PCLO: variants seen among roughly 807,000 people sequenced by gnomAD.
PCLO encodes the protein piccolo presynaptic cytomatrix protein, also known as protein piccolo.
Under a neutral mutation model 427.5 loss-of-function variants are expected in PCLO, and 82 were observed. The ratio of observed to expected loss-of-function variants is 0.19; its 90% CI spans 0.16 to 0.23. The LOEUF (loss-of-function observed/expected upper bound fraction) is 0.23, where lower values mean the gene tolerates loss of function less well. PCLO is among the 10% of genes least tolerant of loss of function. PCLO has a pLI of 1.00. For missense variants in PCLO, 6,239 were observed against 6,115.9 expected, an observed-to-expected ratio of 1.02 and a Z score of -0.67; for synonymous variants, 2,357 against 2,155.4, an observed-to-expected ratio of 1.09 and a Z score of -2.59.
chr7:82,758,832 G>A (rs1035588176), intron 24 of PCLO, 117 bp from the exon 25 acceptor site: 9 of 601,774 alleles, frequency 1.5e-5, no homozygotes, highest in Non-Finnish European at 2.6e-5. Flanking sequence ...AGAGGGTGAC[G>A]CTGAGTAGAA....
chr7:82,915,103 G>A lies in PCLO; in HGVS notation c.12883C>T (p.Pro4295Ser), dbSNP rs548351524. The A allele has an allele frequency of 6.3e-7, 1 of 1,595,750 alleles. No individual in the cohort carries two copies. The highest frequency in any genetic ancestry group is 1.1e-5 in the South Asian group (1 of 89,574). ...SGSRSRPSSR[P>S]SSVYGLDLSI... is the part of the protein sequence containing the mutation. The stretch of plus-strand genomic sequence containing the variant: ...AAATCAAGCCCATAGACAGAGGAAG[G>A]TCTGGAGGAAGGTCTGGACCTGCTG... The change falls in exon 7 of 25, where the codon CCT becomes TCT. Residue 4295 changes from proline to serine, a missense_variant. Transcript: ENST00000333891.
At chr7:83,041,086 C>G (rs1788962357) in intron 3 of PCLO, among the ~76,000 whole-genome samples, 1 of 152,110 alleles carries the variant, frequency 6.6e-6, no homozygotes, top group South Asian at 2.1e-4. Context: ...TGGAGTTTAT[C>G]ATTGTTTCTT....
In PCLO at chr7:82,879,341, C is replaced by T. The variant is rs748451395; in HGVS notation, c.13650G>A (p.Met4550Ile). The T allele has an allele frequency of 9.3e-6, 15 of 1,607,468 alleles. No individual in the cohort carries two copies. The highest frequency in any genetic ancestry group is 1.2e-5 in the Non-Finnish European group (14 of 1,177,308). The change falls in exon 10 of 25, where the codon ATG becomes ATA. Residue 4550 changes from methionine (M) to isoleucine (I), a missense_variant. This residue lies in a region of PCLO where 877 missense variants were observed against 925.5 expected (regional missense o/e 0.95). Coordinates refer to ENST00000333891, the MANE Select transcript of PCLO (RefSeq NM_033026.6). ...TGTAAAATTCCTTATTCTTACCTTCCATAAGCTTCCCCGTCTGTTCCGCAC... is the reference window on the plus strand; with the variant it reads ...TGTAAAATTCCTTATTCTTACCTTCTATAAGCTTCCCCGTCTGTTCCGCAC... ...GGSAEQTGKL[M>I]EGMQVLEWNG...
chr7:82,946,138 A>C (rs984965978), intron 6 of PCLO, among the ~76,000 whole-genome samples: 6 of 152,230 alleles, frequency 3.9e-5, no homozygotes, highest in Admixed American at 1.3e-4. Flanking sequence ...TACTTTAAAT[A>C]AGGGACATAT....
intron 3 of PCLO, among the ~76,000 whole-genome samples, chr7:83,093,585 C>T (rs1413025020): frequency 1.4e-5 from 2 of 146,640 alleles, no homozygotes; most frequent in African/African-American, 5.0e-5. Context: ...CTCCGCCTCC[C>T]GGGTTCATGC....
chr7:83,162,622 C>A lies in PCLO; in HGVS notation c.-30G>T. 2 of 1,506,872 alleles carry A rather than the reference C, an allele frequency of 1.3e-6. No homozygotes were observed. Among genetic ancestry groups the A allele is most frequent in the South Asian group, 2.5e-5 (2 of 78,542 alleles). 93.3% of individuals were successfully genotyped at this position (1,506,872 alleles called of 1,614,324 possible). ...CAGGGAGACTCGGGGCCGCCGCGCT[C>A]CCTCCTCGCGCCGCGTCCCAGTCGA... On this transcript the variant is annotated 5_prime_UTR_variant, in exon 1 of 25. Transcript: ENST00000333891.
chr7:83,023,262 A>G (rs1013852749), intron 3 of PCLO, among the ~76,000 whole-genome samples: 2 of 152,330 alleles, frequency 1.3e-5, no homozygotes, highest in African/African-American at 4.8e-5. Flanking sequence ...GTAGCTGTAT[A>G]TAAACAATAC....
At chr7:82,939,247 T>C (rs1795024828) in intron 6 of PCLO, among the ~76,000 whole-genome samples, 1 of 152,096 alleles carries the variant, frequency 6.6e-6, no homozygotes, top group African/African-American at 2.4e-5. Flanking sequence ...ATTAGAATTA[T>C]GATTGCTATA....
At position 82,956,140 on chromosome 7, in the gene PCLO, C is replaced by A. The variant is rs936518331; in HGVS notation, c.4813G>T (p.Ala1605Ser). Residue 1605 changes from alanine (A) to serine (S), a missense_variant, in exon 5 of 25, where the codon GCA becomes TCA. Coordinates refer to ENST00000333891, the MANE Select transcript of PCLO (RefSeq NM_033026.6). ...EETKGKGKIT[A>S]GKHRRLTRKS... ...CGAGTCAGTCGTCTGTGTTTCCCTG[C>A]TGTTATTTTGCCTTTTCCCTTTGTT... 2 of 1,608,626 alleles carry A rather than the reference C, an allele frequency of 1.2e-6. No homozygotes were observed. Among genetic ancestry groups the A allele is most frequent in the African/African-American group, 1.3e-5 (1 of 74,914 alleles).
intron 6 of PCLO, among the ~76,000 whole-genome samples, chr7:82,943,867 G>C (rs910707055): frequency 7.9e-5 from 12 of 151,944 alleles, no homozygotes; most frequent in African/African-American, 2.7e-4. Flanking sequence ...AGTAAAAATT[G>C]TAACACTGGG....
In PCLO at chr7:82,908,889, T is replaced by C; in HGVS notation, c.13425A>G (p.Gln4475=). Residue 4475 remains glutamine (Q), a synonymous_variant, in exon 8 of 25, where the codon CAA becomes CAG. Coordinates refer to ENST00000333891, the MANE Select transcript of PCLO (RefSeq NM_033026.6). The stretch of plus-strand genomic sequence containing the variant: ...ATATAGCACTTACTTGCTCTTGATG[T>C]TGACTGAGTGGTCTAGAGTGGACCA... ...ERLVHSRPLS[Q]HQEQIIQMNG... The C allele has an allele frequency of 6.2e-7, 1 of 1,612,260 alleles. No homozygotes were observed. Among genetic ancestry groups the C allele is most frequent in the Non-Finnish European group, 8.5e-7 (1 of 1,178,894 alleles).
At chr7:83,132,070 T>C (rs1217450567) in intron 3 of PCLO, among the ~76,000 whole-genome samples, 2 of 152,086 alleles carry the variant, frequency 1.3e-5, no homozygotes, top group Admixed American at 6.5e-5. Context: ...GGAGTAATGA[T>C]AGAGACTACC....
At chr7:82,827,591 T>A (rs1247464203) in intron 17 of PCLO, among the ~76,000 whole-genome samples, 1 of 152,104 alleles carries the variant, frequency 6.6e-6, no homozygotes, top group East Asian at 1.9e-4. Context: ...CTTAGTCTAT[T>A]AAAAATTTTA....
At chr7:83,076,212 T>G (rs1449852380) in intron 3 of PCLO, among the ~76,000 whole-genome samples, 1 of 152,072 alleles carries the variant, frequency 6.6e-6, no homozygotes, top group African/African-American at 2.4e-5. Context: ...TCATAATTTA[T>G]TCTTTCTATG....
chr7:83,065,735 A>C (rs1050394031), intron 3 of PCLO, among the ~76,000 whole-genome samples: 1 of 152,080 alleles, frequency 6.6e-6, no homozygotes, highest in Non-Finnish European at 1.5e-5. Context: ...GAAAAATAAA[A>C]AACAGGAAAG....
intron 22 of PCLO, among the ~76,000 whole-genome samples, chr7:82,799,739 A>G (rs1259046357): frequency 2.0e-5 from 3 of 152,112 alleles, no homozygotes; most frequent in African/African-American, 7.2e-5. Context: ...GTCTCAGGAT[A>G]TATTTCTGGC....
rs137940407 is a variant in PCLO at position 82,776,845 on chromosome 7, C to CAG, written c.15008-15353_15008-15352insCT. On this transcript the variant is annotated intron_variant, in intron 22 of 24. Transcript: ENST00000333891. ...CTCTCTCTCTATATATACACACACA[C>CAG]ATATACACATATATGTATATGTATA... Among the ~76,000 whole-genome samples the CAG allele has an allele frequency of 2.7e-5, 4 of 149,694 alleles. No individual in the cohort carries two copies. In the East Asian group the frequency reaches 7.9e-4, roughly 29 times the overall value.
rs1413735051 is a variant in PCLO at position 82,757,532 on chromosome 7, T to A, written c.*1043A>T. 1.3e-5 allele frequency: 2 copies of A among 151,898 alleles called. No individual in the cohort carries two copies. The highest frequency in any genetic ancestry group is 4.8e-5 in the African/African-American group (2 of 41,396). The allele number at this position is 151,898 out of a possible 1,614,324, so 9.4% of individuals were successfully genotyped here. On this transcript the variant is annotated 3_prime_UTR_variant, in exon 25 of 25. Coordinates refer to ENST00000333891, the MANE Select transcript of PCLO (RefSeq NM_033026.6). ...AGCATAAAATATTATGAAATGAGGA[T>A]CCATTTAATTAATCAATGTCACAAG...
At chr7:83,137,803 T>A (rs1791766654) in intron 2 of PCLO, among the ~76,000 whole-genome samples, 1 of 152,196 alleles carries the variant, frequency 6.6e-6, no homozygotes, top group Non-Finnish European at 1.5e-5. Flanking sequence ...TGTCTTAACC[T>A]TTCTATATGT....
Sources: allele counts gnomAD v4.1 joint callset (sites outside exome capture counted in the v4.1 genomes callset), GRCh38; gene constraint gnomAD v4.1.1; regional missense constraint gnomAD v4.1.1; transcripts MANE v1.5; gene names NCBI Gene and HGNC (gene_info 2026-07-23, HGNC 2026-07-21).